SPATA24: variants seen among roughly 807,000 people sequenced by gnomAD.
SPATA24 encodes spermatogenesis-associated protein 24.
In SPATA24, 21 loss-of-function variants were observed where a neutral mutation model predicts 28.9. The observed-to-expected ratio is 0.73, with a 90% CI of 0.52 to 1.05. The LOEUF (loss-of-function observed/expected upper bound fraction) is 1.05, where lower values mean the gene tolerates loss of function less well. Among genes scored for constraint, SPATA24 ranks in the 50% least tolerant of loss-of-function variants. SPATA24 has a pLI of 0.00. For synonymous variants in SPATA24, 76 were observed against 89.9 expected (o/e 0.85, Z 0.88); for missense variants, 215 against 242.9 (o/e 0.88, Z 0.76).
chr5:139,394,205 C>T (rs1410393849), downstream of SPATA24: 4 of 1,548,810 alleles, frequency 2.6e-6, no homozygotes, highest in Middle Eastern at 1.7e-4. Flanking sequence ...TTAGCCTTCT[C>T]CAGGACCACG....
intron 4 of SPATA24, 87 bp downstream of exon 4, chr5:139,401,668 G>A (rs1299022571): frequency 7.1e-7 from 1 of 1,411,128 alleles, no homozygotes; most frequent in South Asian, 1.2e-5. Context: ...GTGTTAGAGT[G>A]AAACCCTGCC....
chr5:139,392,868 G>A (rs1345704245), downstream of SPATA24: 2 of 1,544,156 alleles, frequency 1.3e-6, no homozygotes, highest in South Asian at 1.2e-5. This position sits in a 1 kb window ranked among gnomAD's most constrained non-coding sequence, Gnocchi z 5.8. Flanking sequence ...CCAAGGCCAG[G>A]GCCCCAGGCA....
At position 139,396,844 on chromosome 5, in the gene SPATA24, C is replaced by T; in HGVS notation, c.574G>A (p.Gly192Arg). Residue 192 changes from glycine to arginine, a missense_variant, in exon 6 of 6, where the codon GGG becomes AGG. Coordinates refer to ENST00000450845, the MANE Select transcript of SPATA24 (RefSeq NM_194296.2). ...VLDQKHKKAS[G>R]TRQARSHQHP... ...TGGTGGCTGCGGGCCTGACGTGTCC[C>T]TGAGGCTTTCTTATGCTTCTGGTCC... The T allele has an allele frequency of 1.9e-6, 3 of 1,551,736 alleles. No homozygotes were observed.
downstream of SPATA24, chr5:139,396,443 A>C (rs191343001): frequency 7.1e-6 from 8 of 1,121,226 alleles, no homozygotes; most frequent in African/African-American, 1.3e-4. Flanking sequence ...ATGGAAACTG[A>C]CTTCCCAAAT....
chr5:139,396,667 A>G (rs1410403023), downstream of SPATA24: 21 of 1,531,948 alleles, frequency 1.4e-5, no homozygotes, highest in Non-Finnish European at 1.8e-5. Context: ...CTAGGCTACA[A>G]GCCCCCACCT....
chr5:139,398,369 C>T (rs1725424207), intron 4 of SPATA24, among the ~76,000 whole-genome samples: 1 of 149,900 alleles, frequency 6.7e-6, no homozygotes, highest in Admixed American at 6.7e-5. Context: ...AGAGACCAGT[C>T]TGGGCAACAT....
chr5:139,400,302 CTTTTTTTTTTTTT>C (rs55789939), intron 4 of SPATA24, among the ~76,000 whole-genome samples: 1 of 125,112 alleles, frequency 8.0e-6, no homozygotes, highest in African/African-American at 2.9e-5. Flanking sequence ...TTCATACCTA[CTTTTTTTTTTTTT>C]TTTTTTTTGA....
At chr5:139,394,127 G>A (rs1385722531), downstream of SPATA24, 4 of 1,547,712 alleles carry the variant, frequency 2.6e-6, no homozygotes, top group African/African-American at 4.1e-5. Context: ...GCGCGCTCGC[G>A]GAGGCTGGGC....
downstream of SPATA24, chr5:139,395,315 T>G (rs1758681349): frequency 2.5e-6 from 1 of 405,444 alleles, no homozygotes; most frequent in Non-Finnish European, 4.3e-6. Flanking sequence ...GTACCTGGGG[T>G]GGGCTCCAAG....
rs1031482130 is a variant in SPATA24, at chr5:139,397,075, G to C, written c.454C>G (p.Gln152Glu). 9.0e-6 allele frequency: 14 copies of C among 1,551,854 alleles called. No homozygotes were observed. The highest frequency in any genetic ancestry group is 1.2e-5 in the Non-Finnish European group (14 of 1,147,034). ...TGTTTCTGCTGGCTGATAACTTGCT[G>C]CAACTCTTTAATCTCATTCTCTTTG... is the stretch of plus-strand genomic sequence containing the variant. ...NGKENEIKEL[Q>E]QVISQQKQIF... is the part of the protein sequence containing the mutation. Residue 152 changes from glutamine to glutamate, a missense_variant, in exon 5 of 6, where the codon CAG becomes GAG. Coordinates refer to ENST00000450845, the MANE Select transcript of SPATA24 (RefSeq NM_194296.2).
rs75247277 is a variant in SPATA24 at position 139,401,502 on chromosome 5, T to C, written c.385+253A>G. 2.2e-3 allele frequency: 1,387 copies of C among 635,158 alleles called. 21 individuals are homozygous for C. In the East Asian group the frequency reaches 0.03, roughly 14 times the overall value. The allele number at this position is 635,158 out of a possible 1,614,324, so 39.3% of individuals were successfully genotyped here. Reference sequence around the variant, plus strand: ...CAAAAGGTGGACTAAGAAGGTTGTATGTTTCAGGAAAAATGGGAGCAAGCC... The same window carrying C: ...CAAAAGGTGGACTAAGAAGGTTGTACGTTTCAGGAAAAATGGGAGCAAGCC... On this transcript the variant is annotated intron_variant, in intron 4 of 5. Coordinates refer to ENST00000450845, the MANE Select transcript of SPATA24 (RefSeq NM_194296.2).
chr5:139,403,826 G>T, intron 1 of SPATA24, 118 bp downstream of exon 1: 1 of 856,948 alleles, frequency 1.2e-6, no homozygotes, highest in Non-Finnish European at 1.8e-6. Flanking sequence ...GCCTCCTCCT[G>T]ATGACGCCAT....
chr5:139,402,154 G>C (rs1427069226), intron 2 of SPATA24, 109 bp from the exon 3 acceptor site: 1 of 1,364,712 alleles, frequency 7.3e-7, no homozygotes, highest in Non-Finnish European at 9.7e-7. Flanking sequence ...AGAGCACAGG[G>C]AGATTCTGGC....
chr5:139,393,604 C>T, downstream of SPATA24: 1 of 1,548,292 alleles, frequency 6.5e-7, no homozygotes, highest in Non-Finnish European at 8.7e-7. Context: ...CGGGCTGCTA[C>T]GTGGCTCCAC....
At chr5:139,400,467 C>A (rs1024254803) in intron 4 of SPATA24, among the ~76,000 whole-genome samples, 2 of 151,854 alleles carry the variant, frequency 1.3e-5, no homozygotes, top group South Asian at 2.1e-4. Flanking sequence ...CCACTATGCC[C>A]GGGTAATTTT....
At chr5:139,394,265 ACCCGAAGGTG>A, downstream of SPATA24, 1 of 1,543,862 alleles carries the variant, frequency 6.5e-7, no homozygotes, top group Non-Finnish European at 8.7e-7. Context: ...CGCCCCGTGG[ACCCGAAGGTG>A]GCGCTGCTCG....
chr5:139,394,452 G>T, downstream of SPATA24: 2 of 1,398,372 alleles, frequency 1.4e-6, no homozygotes, highest in Non-Finnish European at 1.8e-6. Flanking sequence ...GGCGCAGCTC[G>T]ATCTGACGCT....
intron 4 of SPATA24, among the ~76,000 whole-genome samples, chr5:139,400,432 G>A (rs2152078972): frequency 6.6e-6 from 1 of 150,452 alleles, no homozygotes; most frequent in Admixed American, 6.7e-5. Context: ...TCAGCCTCCT[G>A]AGTAGCTGGT....
At position 139,401,885 on chromosome 5, in the gene SPATA24, A is replaced by T. The variant is rs1346998035; in HGVS notation, c.314+30T>A. ...GCTAGCAAGCAGATGCATCCCCCAA[A>T]CCCCACACCCCGTACTGAGGCCCAC... On this transcript the variant is annotated intron_variant, in intron 3 of 5. Transcript: ENST00000450845. 3.2e-6 allele frequency: 5 copies of T among 1,549,096 alleles called. No individual in the cohort carries two copies. In the South Asian group the frequency reaches 6.0e-5, roughly 18 times the overall value.
Sources: gnomAD v4.1 joint callset for allele counts (sites outside exome capture counted in the v4.1 genomes callset) on GRCh38, gnomAD v4.1.1 for gene constraint, Gnocchi (gnomAD v3.1) non-coding constraint, MANE v1.5 for transcripts, NCBI Gene and HGNC (gene_info 2026-07-23, HGNC 2026-07-21) for gene names.